The following FGF12 variants were observed in gnomAD, a reference collection of about 807,000 sequenced individuals.
The protein encoded by FGF12 is fibroblast growth factor 12.
FGF12 carries 14 observed loss-of-function variants against 23.6 expected under a neutral mutation model. The observed-to-expected ratio is 0.59, with a 90% CI of 0.39 to 0.93. The LOEUF (loss-of-function observed/expected upper bound fraction) is 0.93, where lower values mean the gene tolerates loss of function less well. Among genes scored for constraint, FGF12 ranks in the 40% least tolerant of loss-of-function variants. The probability of loss-of-function intolerance (pLI) is 0.00; values close to 1 mark genes in which losing one functional copy is unlikely to be tolerated. For missense variants in FGF12, 175 were observed against 217.8 expected (o/e 0.80, Z 1.24); for synonymous variants, 62 against 77.3 (o/e 0.80, Z 1.04).
intron 2 of FGF12, among the ~76,000 whole-genome samples, chr3:192,666,609 T>C (rs1716880842): frequency 6.6e-6 from 1 of 152,188 alleles, no homozygotes; most frequent in Non-Finnish European, 1.5e-5. Flanking sequence ...AGTAAGAAGA[T>C]CAACTATTAG....
intron 2 of FGF12, among the ~76,000 whole-genome samples, chr3:192,362,911 G>C (rs908942605): frequency 5.9e-5 from 9 of 152,026 alleles, no homozygotes; most frequent in African/African-American, 1.9e-4. Context: ...TAAAAGTACA[G>C]GATATAAAAC....
At chr3:192,267,079 G>T (rs1713124644) in intron 4 of FGF12, 1 of 152,144 alleles carries the variant, frequency 6.6e-6, no homozygotes, top group Admixed American at 6.6e-5. Context: ...AAATCTAAAA[G>T]ATTGCTTTCT....
At chr3:192,547,091 G>A (rs1725514158) in intron 2 of FGF12, among the ~76,000 whole-genome samples, 2 of 152,122 alleles carry the variant, frequency 1.3e-5, no homozygotes, top group Admixed American at 1.3e-4. Context: ...GATTCTAGCT[G>A]AGCCTCCACA....
At chr3:192,410,386 G>A (rs990792723) in intron 2 of FGF12, among the ~76,000 whole-genome samples, 11 of 152,146 alleles carry the variant, frequency 7.2e-5, no homozygotes, top group Non-Finnish European at 1.6e-4. Context: ...CGAGGGAACT[G>A]CAGCTTGGGT....
intron 2 of FGF12, among the ~76,000 whole-genome samples, chr3:192,362,791 A>G (rs78486572): frequency 0.024 from 3,594 of 152,292 alleles, 150 homozygotes; most frequent in African/African-American, 0.082. Flanking sequence ...AAAATCAAGG[A>G]CACGGTATAA....
intron 2 of FGF12, among the ~76,000 whole-genome samples, chr3:192,484,940 C>T (rs1040202538): frequency 6.6e-6 from 1 of 152,042 alleles, no homozygotes; most frequent in Non-Finnish European, 1.5e-5. Flanking sequence ...CAAGATTGGT[C>T]TACAGCCCCA....
At chr3:192,441,060 T>C (rs1011789298) in intron 2 of FGF12, among the ~76,000 whole-genome samples, 1 of 152,248 alleles carries the variant, frequency 6.6e-6, no homozygotes, top group African/African-American at 2.4e-5. Context: ...CAATGGTTTA[T>C]GGCATAATAA....
At chr3:192,684,281 G>A (rs1017644964) in intron 2 of FGF12, among the ~76,000 whole-genome samples, 5 of 152,098 alleles carry the variant, frequency 3.3e-5, no homozygotes, top group African/African-American at 1.2e-4. Context: ...GGGTTAAAAC[G>A]GAAATACGCA....
chr3:192,347,657 C>T (rs917375797), intron 3 of FGF12, among the ~76,000 whole-genome samples: 4 of 152,086 alleles, frequency 2.6e-5, no homozygotes, highest in South Asian at 4.2e-4. Flanking sequence ...AATTAGACTT[C>T]GATCAATTCT....
At chr3:192,273,504 A>T (rs1713580792) in intron 4 of FGF12, among the ~76,000 whole-genome samples, 1 of 152,164 alleles carries the variant, frequency 6.6e-6, no homozygotes, top group Admixed American at 6.6e-5. Context: ...CCTCACCAGT[A>T]GCTCAGGATG....
intron 2 of FGF12, among the ~76,000 whole-genome samples, chr3:192,487,862 A>T (rs2108823818): frequency 6.6e-6 from 1 of 152,136 alleles, no homozygotes. Flanking sequence ...GGGAATTTTA[A>T]CTTGTTCATT....
intron 2 of FGF12, among the ~76,000 whole-genome samples, chr3:192,402,074 C>T (rs893135397): frequency 9.9e-5 from 15 of 152,200 alleles, no homozygotes; most frequent in Admixed American, 3.3e-4. Context: ...CATCCCACTC[C>T]GAAGTCCAGG....
chr3:192,211,400 G>A (rs991979907), intron 4 of FGF12, among the ~76,000 whole-genome samples: 1 of 152,068 alleles, frequency 6.6e-6, no homozygotes, highest in African/African-American at 2.4e-5. Flanking sequence ...TGGCGGTTTA[G>A]TGTGTGATAC....
chr3:192,486,009 T>A (rs1451365486), intron 2 of FGF12, among the ~76,000 whole-genome samples: 1 of 152,142 alleles, frequency 6.6e-6, no homozygotes, highest in Admixed American at 6.6e-5. Context: ...ATAACCTAAG[T>A]TGACAGTGGA....
chr3:192,721,490 CAA>C (rs1471412080), intron 2 of FGF12, among the ~76,000 whole-genome samples: 1 of 152,074 alleles, frequency 6.6e-6, no homozygotes, highest in African/African-American at 2.4e-5. Context: ...TGAAAAAGTA[CAA>C]AGTGTTTCAC....
intron 2 of FGF12, among the ~76,000 whole-genome samples, chr3:192,701,079 G>T (rs1280672469): frequency 1.3e-5 from 2 of 152,130 alleles, no homozygotes; most frequent in Non-Finnish European, 2.9e-5. Context: ...AAGCTCAGAT[G>T]CCTGGTACCT....
intron 2 of FGF12, among the ~76,000 whole-genome samples, chr3:192,523,838 A>G (rs757411211): frequency 3.3e-5 from 5 of 152,242 alleles, no homozygotes; most frequent in African/African-American, 7.2e-5. Context: ...TGGTAATGAT[A>G]GCACAGATGA....
At chr3:192,547,372 A>G (rs1560146542) in intron 2 of FGF12, among the ~76,000 whole-genome samples, 1 of 152,104 alleles carries the variant, frequency 6.6e-6, no homozygotes, top group East Asian at 1.9e-4. Context: ...CCACAATCAA[A>G]CTATACATAG....
intron 2 of FGF12, among the ~76,000 whole-genome samples, chr3:192,581,550 T>C (rs993153580): frequency 6.6e-6 from 1 of 151,102 alleles, no homozygotes; most frequent in Non-Finnish European, 1.5e-5. Context: ...ATATTAACTC[T>C]GGACAATTAG....
Sources: gnomAD v4.1 joint callset for allele counts (sites outside exome capture counted in the v4.1 genomes callset) on GRCh38, gnomAD v4.1.1 for gene constraint, MANE v1.5 for transcripts, NCBI Gene and HGNC (gene_info 2026-07-23, HGNC 2026-07-21) for gene names.